Variants in CALD1 observed in about 807,000 individuals in gnomAD.
CALD1 encodes caldesmon 1.
Under a neutral mutation model 99.9 loss-of-function variants are expected in CALD1, and 33 were observed. That is an observed-to-expected ratio of 0.33 (90% CI 0.25 to 0.44). The LOEUF (loss-of-function observed/expected upper bound fraction) is 0.44, where lower values mean the gene tolerates loss of function less well. CALD1 is among the 20% of genes least tolerant of loss of function. The pLI is 1.00. For synonymous variants in CALD1, 310 were observed against 325.0 expected, an observed-to-expected ratio of 0.95 and a Z score of 0.50; for missense variants, 861 against 962.1, an observed-to-expected ratio of 0.89 and a Z score of 1.39.
At chr7:134,896,161 C>T (rs545081658) in intron 3 of CALD1, among the ~76,000 whole-genome samples, 6 of 152,302 alleles carry the variant, frequency 3.9e-5, no homozygotes, top group South Asian at 4.1e-4. Flanking sequence ...CAGTAGGGGC[C>T]GCCTGCATCA....
chr7:134,952,256 G>A (rs951946586), intron 9 of CALD1, among the ~76,000 whole-genome samples: 9 of 152,030 alleles, frequency 5.9e-5, no homozygotes, highest in South Asian at 2.1e-4. Flanking sequence ...AGCCGAGATC[G>A]TGCCACTGCA....
chr7:134,876,187 C>T (rs948337493), intron 3 of CALD1, among the ~76,000 whole-genome samples: 1 of 152,176 alleles, frequency 6.6e-6, no homozygotes, highest in African/African-American at 2.4e-5. Context: ...CATGAACCTC[C>T]GTCCGCAGAC....
intron 1 of CALD1, among the ~76,000 whole-genome samples, chr7:134,816,920 T>C (rs1798585302): frequency 6.6e-6 from 1 of 152,188 alleles, no homozygotes; most frequent in Non-Finnish European, 1.5e-5. Context: ...ATTAAAAAAT[T>C]ATGTCTTCTG....
chr7:134,754,246 G>A (rs1328674993), intron 1 of CALD1, among the ~76,000 whole-genome samples: 1 of 152,190 alleles, frequency 6.6e-6, no homozygotes, highest in Non-Finnish European at 1.5e-5. Context: ...TTTATAAAGA[G>A]AAGGGAGAAG....
chr7:134,717,745 G>A, the CALD1 span, among the ~76,000 whole-genome samples: 4 of 152,224 alleles, frequency 2.6e-5, no homozygotes, highest in Admixed American at 2.6e-4. Context: ...GCTTGTATAT[G>A]TTTAATGGAT....
rs146788013 is a variant in CALD1 at position 134,968,190 on chromosome 7, GC to G, written c.2377-148del. 4.6e-3 allele frequency: 3,290 copies of G among 716,542 alleles called. 21 individuals are homozygous for G. The highest frequency in any genetic ancestry group is 0.011 in the South Asian group (745 of 65,276). The allele number at this position is 716,542 out of a possible 1,614,324, so 44.4% of individuals were successfully genotyped here. A position where few individuals can be genotyped will look rare whatever the true frequency, so the allele number is the denominator to read the frequency against. On this transcript the variant is annotated intron_variant, in intron 14 of 14. Transcript: ENST00000361675. ...ATAAAAGATCATATTTGAATGGAATGCCGATAATAATCCTCCCTTTCATAAA... is the reference window on the plus strand; with the variant it reads ...ATAAAAGATCATATTTGAATGGAATGCGATAATAATCCTCCCTTTCATAAA...
At position 134,934,791 on chromosome 7, in the gene CALD1, G is replaced by A. The variant is rs1466069581; in HGVS notation, c.1308+714G>A. ...AGCTACTCAGGAGGCTGAGGCAGGA[G>A]AATCACTTGAACCTGGGAGGCAGAG... On this transcript the variant is annotated intron_variant, in intron 5 of 14. Coordinates refer to ENST00000361675, the MANE Select transcript of CALD1 (RefSeq NM_033138.4). Among the ~76,000 whole-genome samples, 4 of 152,134 alleles carry A rather than the reference G, an allele frequency of 2.6e-5. No homozygotes were observed. The East Asian group carries it at 7.7e-4, about 29-fold the overall frequency.
intron 6 of CALD1, among the ~76,000 whole-genome samples, chr7:134,939,279 G>A (rs1264260966): frequency 3.9e-5 from 6 of 152,212 alleles, no homozygotes; most frequent in African/African-American, 7.2e-5. Context: ...GACCCATGAG[G>A]ACCCAAGAGG....
chr7:134,826,672 T>C (rs921317260), intron 1 of CALD1, among the ~76,000 whole-genome samples: 3 of 152,194 alleles, frequency 2.0e-5, no homozygotes, highest in Admixed American at 6.6e-5. Context: ...GGTTCATTGT[T>C]CCTAAGTATG....
chr7:134,793,807 C>T (rs1366296867), intron 1 of CALD1, among the ~76,000 whole-genome samples: 1 of 151,298 alleles, frequency 6.6e-6, no homozygotes, highest in Non-Finnish European at 1.5e-5. Flanking sequence ...CCACTCCCTC[C>T]ATTTATGTAC....
intron 1 of CALD1, among the ~76,000 whole-genome samples, chr7:134,804,346 G>T (rs1216910948): frequency 2.0e-5 from 3 of 152,106 alleles, no homozygotes; most frequent in African/African-American, 7.2e-5. Flanking sequence ...ATTAATGCCT[G>T]CCCCAGGGTA....
intron 11 of CALD1, among the ~76,000 whole-genome samples, chr7:134,959,024 T>C (rs1808042466): frequency 6.6e-6 from 1 of 150,918 alleles, no homozygotes; most frequent in Non-Finnish European, 1.5e-5. Flanking sequence ...TGCCCCCCAA[T>C]TGTGTGCCAT....
At chr7:134,715,871 A>G in the CALD1 span, among the ~76,000 whole-genome samples, 1 of 152,234 alleles carries the variant, frequency 6.6e-6, no homozygotes, top group African/African-American at 2.4e-5. Context: ...CCTTTTATGG[A>G]GCTAAAAGTT....
Position 134,928,723 on chromosome 7 carries a change from C to T in CALD1, c.72-31C>T, listed in dbSNP as rs143574284. 51 of 1,601,684 alleles carry T rather than the reference C, an allele frequency of 3.2e-5. 1 individual carries two copies. The African/African-American group carries it at 5.5e-4, about 17-fold the overall frequency. On this transcript the variant is annotated intron_variant, in intron 3 of 14. Coordinates refer to ENST00000361675, the MANE Select transcript of CALD1 (RefSeq NM_033138.4). ...TGGTGAAGACACGTGGCAAGTGGCA[C>T]GCTCAAGAGGTTGTCTTTGTAATGT...
At chr7:134,717,974 G>C in the CALD1 span, among the ~76,000 whole-genome samples, 1 of 152,120 alleles carries the variant, frequency 6.6e-6, no homozygotes, top group Non-Finnish European at 1.5e-5. Context: ...CATTCTTCTT[G>C]TCATGGAAAA....
chr7:134,911,031 T>C (rs1217148588), intron 3 of CALD1, among the ~76,000 whole-genome samples: 3 of 152,274 alleles, frequency 2.0e-5, no homozygotes, highest in East Asian at 1.9e-4. Flanking sequence ...CAGGAAGGAA[T>C]TGAAAGAAGT....
At chr7:134,957,889 C>T (rs1466578261) in intron 9 of CALD1, among the ~76,000 whole-genome samples, 180 bp from the exon 10 acceptor site, 1 of 151,758 alleles carries the variant, frequency 6.6e-6, no homozygotes, top group Non-Finnish European at 1.5e-5. Flanking sequence ...CCCCAAATCT[C>T]ACTATCAAAT....
intron 1 of CALD1, among the ~76,000 whole-genome samples, chr7:134,782,848 G>A (rs1234468883): frequency 6.6e-6 from 1 of 151,962 alleles, no homozygotes; most frequent in African/African-American, 2.4e-5. Flanking sequence ...ATATCTTCTC[G>A]CTCCTGGTTA....
intron 1 of CALD1, among the ~76,000 whole-genome samples, chr7:134,837,372 T>A (rs1799488142): frequency 6.6e-6 from 1 of 152,006 alleles, no homozygotes; most frequent in African/African-American, 2.4e-5. Context: ...AGATGGAATC[T>A]TGCACTGTCG....
Sources: allele counts gnomAD v4.1 joint callset (sites outside exome capture counted in the v4.1 genomes callset), GRCh38; gene constraint gnomAD v4.1.1; transcripts MANE v1.5; gene names NCBI Gene and HGNC (gene_info 2026-07-23, HGNC 2026-07-21).